The following DNM3 variants were observed in gnomAD, a reference collection of about 807,000 sequenced individuals.
DNM3 encodes dynamin 3.
DNM3 carries 47 observed loss-of-function variants against 101.6 expected under a neutral mutation model. That is an observed-to-expected ratio of 0.46 (90% CI 0.37 to 0.59). DNM3 has a LOEUF of 0.59. Among genes scored for constraint, DNM3 ranks in the 20% least tolerant of loss-of-function variants. DNM3 has a pLI of 0.00. For missense variants in DNM3, 849 were observed against 1,085.7 expected (o/e 0.78, Z 3.06); for synonymous variants, 385 against 387.9 (o/e 0.99, Z 0.09).
At chr1:172,407,376 TTA>T (rs1158211142) in intron 20 of DNM3, among the ~76,000 whole-genome samples, 1 of 151,820 alleles carries the variant, frequency 6.6e-6, no homozygotes, top group East Asian at 1.9e-4. Flanking sequence ...AAAAGGAAAA[TTA>T]TATGTGAGAA....
chr1:172,135,368 C>T (rs146858367), intron 14 of DNM3, among the ~76,000 whole-genome samples: 13 of 152,224 alleles, frequency 8.5e-5, no homozygotes, highest in Admixed American at 3.3e-4. Flanking sequence ...TAATTAATCA[C>T]GTCCTGGCAT....
At chr1:172,061,412 A>G (rs1483948221) in intron 10 of DNM3, among the ~76,000 whole-genome samples, 1 of 150,888 alleles carries the variant, frequency 6.6e-6, no homozygotes, top group African/African-American at 2.5e-5. Context: ...TGTTTATTGC[A>G]GCACTATTCA....
rs1454265181 is a variant in DNM3 at position 171,987,206 on chromosome 1, T to C, written c.236-450T>C. On this transcript the variant is annotated intron_variant, in intron 2 of 20. Coordinates refer to ENST00000627582, the MANE Select transcript of DNM3 (RefSeq NM_015569.5). ...TTTATTTTTAACAAATTAAATGATT[T>C]CCCTTAACTTATTTTGCCTTCTGAA... 6.6e-6 allele frequency: 4 copies of C among 606,574 alleles called. No homozygotes were observed. The East Asian group carries it at 5.6e-4, about 85-fold the overall frequency. 37.6% of individuals were successfully genotyped at this position (606,574 alleles called of 1,614,324 possible).
intron 2 of DNM3, among the ~76,000 whole-genome samples, chr1:171,927,680 G>A (rs976014354): frequency 6.6e-6 from 1 of 152,106 alleles, no homozygotes; most frequent in African/African-American, 2.4e-5. Flanking sequence ...ATACTATATG[G>A]CCTTAAAAAA....
chr1:172,133,504 T>C (rs1433090579), intron 14 of DNM3: 3 of 872,058 alleles, frequency 3.4e-6, no homozygotes, highest in South Asian at 5.3e-5. Context: ...AATGGAATTA[T>C]TTAGATGAAG....
intron 14 of DNM3, among the ~76,000 whole-genome samples, chr1:172,149,848 A>G (rs1476264532): frequency 6.6e-6 from 1 of 152,078 alleles, no homozygotes; most frequent in Non-Finnish European, 1.5e-5. Flanking sequence ...GGGTGGAGAA[A>G]GTACCCTTTC....
intron 6 of DNM3, among the ~76,000 whole-genome samples, chr1:172,035,674 T>G (rs2048903766): frequency 6.6e-6 from 1 of 152,180 alleles, no homozygotes; most frequent in African/African-American, 2.4e-5. Context: ...CCAGTTCACA[T>G]GGCAATCAGT....
At chr1:172,090,460 C>T (rs2053833416) in intron 12 of DNM3, among the ~76,000 whole-genome samples, 1 of 151,888 alleles carries the variant, frequency 6.6e-6, no homozygotes, top group Non-Finnish European at 1.5e-5. Context: ...CACAGCCTCA[C>T]CTACAAGACC....
At chr1:172,157,741 A>G (rs1432271401) in intron 14 of DNM3, among the ~76,000 whole-genome samples, 1 of 152,072 alleles carries the variant, frequency 6.6e-6, no homozygotes, top group Admixed American at 6.6e-5. Flanking sequence ...CAATCTTTAA[A>G]TAAGATGATT....
chr1:172,120,733 G>A (rs1306797158), intron 13 of DNM3, among the ~76,000 whole-genome samples: 2 of 152,090 alleles, frequency 1.3e-5, no homozygotes, highest in Non-Finnish European at 2.9e-5. Context: ...GTTCATGTAA[G>A]GAACCACTTC....
At chr1:172,305,094 G>A (rs2064723353) in intron 15 of DNM3, among the ~76,000 whole-genome samples, 1 of 152,152 alleles carries the variant, frequency 6.6e-6, no homozygotes, top group African/African-American at 2.4e-5. Context: ...GAATCGAGGA[G>A]CTCATTTTTT....
chr1:171,886,998 C>A (rs1230734863), intron 1 of DNM3, among the ~76,000 whole-genome samples: 1 of 152,022 alleles, frequency 6.6e-6, no homozygotes, highest in East Asian at 1.9e-4. Context: ...TTGATAATAA[C>A]GTAAAATCGT....
chr1:172,213,973 A>T (rs1376334017), intron 14 of DNM3, among the ~76,000 whole-genome samples: 1 of 152,140 alleles, frequency 6.6e-6, no homozygotes, highest in Non-Finnish European at 1.5e-5. Flanking sequence ...TGTAAAGCAA[A>T]TTTAATCACT....
chr1:171,985,650 T>C (rs2045196113), intron 2 of DNM3, among the ~76,000 whole-genome samples: 1 of 152,248 alleles, frequency 6.6e-6, no homozygotes, highest in African/African-American at 2.4e-5. Context: ...GAAATACTCA[T>C]GTCCATGCAT....
At chr1:172,220,269 C>A (rs550512277) in intron 14 of DNM3, among the ~76,000 whole-genome samples, 4 of 152,158 alleles carry the variant, frequency 2.6e-5, no homozygotes, top group African/African-American at 9.6e-5. Context: ...AGTTTCAGGG[C>A]TAGATAGGAG....
At chr1:172,157,329 G>A (rs2058378422) in intron 14 of DNM3, among the ~76,000 whole-genome samples, 1 of 152,048 alleles carries the variant, frequency 6.6e-6, no homozygotes. Context: ...AGCTCAGGTG[G>A]TAATTCAAGT....
chr1:171,841,507 C>A lies in DNM3; in HGVS notation c.-150C>A, dbSNP rs1037811190. 1.8e-6 allele frequency: 2 copies of A among 1,131,670 alleles called. No individual in the cohort carries two copies. Among genetic ancestry groups the A allele is most frequent in the Admixed American group, 3.4e-5 (1 of 29,314 alleles). The allele number at this position is 1,131,670 out of a possible 1,614,324, so 70.1% of individuals were successfully genotyped here. A position where few individuals can be genotyped will look rare whatever the true frequency, so the allele number is the denominator to read the frequency against. ...CGGGTCGTTAGCTGTCAGAGCCAAG[C>A]GGCGGGCTGGCGGCGGGCTCCGACG... is the stretch of plus-strand genomic sequence containing the variant. On this transcript the variant is annotated 5_prime_UTR_variant, in exon 1 of 21. Coordinates refer to ENST00000627582, the MANE Select transcript of DNM3 (RefSeq NM_015569.5).
At chr1:172,319,917 A>T (rs1010534653) in intron 16 of DNM3, among the ~76,000 whole-genome samples, 9 of 152,176 alleles carry the variant, frequency 5.9e-5, no homozygotes, top group African/African-American at 2.2e-4. Context: ...ATGCTGCTAT[A>T]AAGACACATG....
chr1:172,311,550 C>T (rs1034618712), intron 16 of DNM3, among the ~76,000 whole-genome samples: 3 of 152,098 alleles, frequency 2.0e-5, no homozygotes, highest in Admixed American at 6.5e-5. Flanking sequence ...CTACAGTGTT[C>T]GTCCCACCGC....
Sources: allele counts gnomAD v4.1 joint callset (sites outside exome capture counted in the v4.1 genomes callset), GRCh38; gene constraint gnomAD v4.1.1; transcripts MANE v1.5; gene names NCBI Gene and HGNC (gene_info 2026-07-23, HGNC 2026-07-21).